The following GPM6A variants were observed in gnomAD, a reference collection of about 807,000 sequenced individuals.
GPM6A encodes neuronal membrane glycoprotein M6-a.
GPM6A carries 7 observed loss-of-function variants against 32.1 expected under a neutral mutation model. That is an observed-to-expected ratio of 0.22 (90% CI 0.12 to 0.41). GPM6A has a LOEUF of 0.41. Among genes scored for constraint, GPM6A ranks in the 10% least tolerant of loss-of-function variants. The probability of loss-of-function intolerance (pLI) is 1.00; values close to 1 mark genes in which losing one functional copy is unlikely to be tolerated. For synonymous variants in GPM6A, 130 were observed against 123.4 expected (o/e 1.05, Z -0.35); for missense variants, 235 against 347.2 (o/e 0.68, Z 2.57).
intron 1 of GPM6A, among the ~76,000 whole-genome samples, chr4:175,905,050 A>G (rs1397482463): frequency 1.3e-5 from 2 of 152,144 alleles, no homozygotes; most frequent in African/African-American, 4.8e-5. Flanking sequence ...GAAAAAAAGC[A>G]AAGACCCAAA....
chr4:175,763,108 C>T (rs1732815937), intron 1 of GPM6A, among the ~76,000 whole-genome samples: 1 of 152,056 alleles, frequency 6.6e-6, no homozygotes. Context: ...ATAGATGCTG[C>T]TAGTTTTTTC....
At chr4:176,001,056 A>G (rs930080818) in intron 1 of GPM6A, among the ~76,000 whole-genome samples, 1 of 152,210 alleles carries the variant, frequency 6.6e-6, no homozygotes, top group African/African-American at 2.4e-5. Context: ...GCTAACATTC[A>G]TAGGCAAAAA....
chr4:175,881,790 A>G (rs747535032), intron 1 of GPM6A, among the ~76,000 whole-genome samples: 8 of 152,030 alleles, frequency 5.3e-5, no homozygotes, highest in Admixed American at 2.0e-4. Context: ...GAATTGAACA[A>G]TGAGAACACT....
intron 1 of GPM6A, among the ~76,000 whole-genome samples, chr4:175,726,825 G>A (rs527545337): frequency 4.6e-5 from 7 of 152,142 alleles, no homozygotes; most frequent in East Asian, 3.9e-4. Flanking sequence ...GTGAAACCCC[G>A]TCTCTACTAA....
At chr4:175,980,952 T>C (rs1740799562) in intron 1 of GPM6A, among the ~76,000 whole-genome samples, 1 of 152,202 alleles carries the variant, frequency 6.6e-6, no homozygotes, top group African/African-American at 2.4e-5. Flanking sequence ...TAATCAAAAG[T>C]AGCTTACAGA....
chr4:175,806,668 T>C (rs1329313296), intron 1 of GPM6A, among the ~76,000 whole-genome samples: 1 of 152,200 alleles, frequency 6.6e-6, no homozygotes, highest in Non-Finnish European at 1.5e-5. Context: ...TTGAACTTTA[T>C]TAAAAATATA....
upstream of GPM6A, among the ~76,000 whole-genome samples, chr4:175,817,104 C>T (rs193004022): frequency 5.7e-3 from 865 of 152,232 alleles, 6 homozygotes; most frequent in Non-Finnish European, 0.01. Flanking sequence ...GTGATCCGCC[C>T]GCCTCGGCCT....
At chr4:175,735,843 A>G (rs2111154624) in intron 1 of GPM6A, among the ~76,000 whole-genome samples, 1 of 152,226 alleles carries the variant, frequency 6.6e-6, no homozygotes, top group East Asian at 1.9e-4. Flanking sequence ...TACAGGTGTG[A>G]ACCACTGCCC....
chr4:175,921,945 T>C (rs1340566514), intron 1 of GPM6A, among the ~76,000 whole-genome samples: 1 of 152,196 alleles, frequency 6.6e-6, no homozygotes. Flanking sequence ...TCCAGGTCAC[T>C]AGAACTAGAA....
chr4:175,991,411 C>T (rs1741141766), intron 1 of GPM6A, among the ~76,000 whole-genome samples: 1 of 151,930 alleles, frequency 6.6e-6, no homozygotes, highest in South Asian at 2.1e-4. Context: ...ATATGTAAAA[C>T]AGTGACAAAA....
At chr4:175,846,107 G>A (rs375907377) in intron 1 of GPM6A, among the ~76,000 whole-genome samples, 3 of 151,866 alleles carry the variant, frequency 2.0e-5, no homozygotes, top group Non-Finnish European at 4.4e-5. Context: ...TCGTAACATC[G>A]TGTCTCTACT....
At chr4:175,875,987 A>G (rs2111447659) in intron 1 of GPM6A, among the ~76,000 whole-genome samples, 1 of 152,338 alleles carries the variant, frequency 6.6e-6, no homozygotes, top group East Asian at 1.9e-4. Context: ...ATAAAATAAG[A>G]AAAGTAAAAG....
At chr4:175,744,491 T>A (rs1164594586) in intron 1 of GPM6A, among the ~76,000 whole-genome samples, 1 of 152,004 alleles carries the variant, frequency 6.6e-6, no homozygotes, top group African/African-American at 2.4e-5. Flanking sequence ...ACAATCAATA[T>A]AATATAAAAA....
chr4:175,706,244 TGAA>T (rs1745182335), intron 1 of GPM6A, among the ~76,000 whole-genome samples: 1 of 152,072 alleles, frequency 6.6e-6, no homozygotes, highest in Non-Finnish European at 1.5e-5. Flanking sequence ...ATAGAAGCTG[TGAA>T]GATATGTTAT....
chr4:175,644,025 C>CA (rs1175923269), intron 4 of GPM6A, among the ~76,000 whole-genome samples: 2 of 151,704 alleles, frequency 1.3e-5, no homozygotes, highest in Non-Finnish European at 2.9e-5. Flanking sequence ...AACCCCAAGT[C>CA]AAAAGATCCA....
intron 1 of GPM6A, among the ~76,000 whole-genome samples, chr4:175,902,417 A>G (rs1737996418): frequency 6.6e-6 from 1 of 152,214 alleles, no homozygotes; most frequent in Non-Finnish European, 1.5e-5. Context: ...GCAAGTTAGA[A>G]GCTTGCATGG....
At chr4:175,898,851 C>T (rs1737870853) in intron 1 of GPM6A, among the ~76,000 whole-genome samples, 1 of 152,142 alleles carries the variant, frequency 6.6e-6, no homozygotes, top group Admixed American at 6.5e-5. Flanking sequence ...CTGATGCTGT[C>T]CATGAACCTA....
chr4:175,983,065 C>A (rs1166553828), intron 1 of GPM6A, among the ~76,000 whole-genome samples: 5 of 152,136 alleles, frequency 3.3e-5, no homozygotes, highest in Admixed American at 2.0e-4. Context: ...TTGCAGGCTG[C>A]ATCCCTGGTA....
chr4:175,804,914 G>A (rs527237850), intron 1 of GPM6A, among the ~76,000 whole-genome samples: 4 of 151,968 alleles, frequency 2.6e-5, no homozygotes, highest in Non-Finnish European at 5.9e-5. Context: ...GTGTGGTGGC[G>A]GGCGCCTGTA....
Sources: allele counts gnomAD v4.1 joint callset (sites outside exome capture counted in the v4.1 genomes callset), GRCh38; gene constraint gnomAD v4.1.1; transcripts MANE v1.5; gene names NCBI Gene and HGNC (gene_info 2026-07-23, HGNC 2026-07-21).